Variants in APTX observed in about 807,000 individuals in gnomAD.
APTX encodes forkhead-associated domain histidine triad-like protein.
APTX carries 33 observed loss-of-function variants against 42.3 expected under a neutral mutation model. The ratio of observed to expected loss-of-function variants is 0.78; its 90% CI spans 0.59 to 1.04. The LOEUF (loss-of-function observed/expected upper bound fraction) is 1.04. Among genes scored for constraint, APTX ranks in the 50% least tolerant of loss-of-function variants. The probability of loss-of-function intolerance (pLI) is 0.00; values close to 1 mark genes in which losing one functional copy is unlikely to be tolerated. For missense variants in APTX, 421 were observed against 415.1 expected (o/e 1.01, Z -0.12); for synonymous variants, 130 against 146.7 (o/e 0.89, Z 0.82).
intron 5 of APTX, among the ~76,000 whole-genome samples, chr9:32,985,231 T>C (rs1404740801): frequency 1.3e-5 from 2 of 152,048 alleles, no homozygotes; most frequent in Non-Finnish European, 2.9e-5. Context: ...GTGTGACACG[T>C]ACACGTGGGT....
intron 4 of APTX, among the ~76,000 whole-genome samples, chr9:32,986,354 C>A (rs968832562): frequency 6.6e-6 from 1 of 152,150 alleles, no homozygotes; most frequent in South Asian, 2.1e-4. Flanking sequence ...CACCACCACG[C>A]CCAGCTAACT....
intron 2 of APTX, among the ~76,000 whole-genome samples, chr9:32,988,620 G>A (rs1224947867): frequency 1.4e-5 from 2 of 139,944 alleles, no homozygotes; most frequent in Middle Eastern, 3.8e-3. Context: ...GGTGGAGGTT[G>A]CAGTGAGTCA....
rs1832332130 is a variant in APTX, at chr9:32,986,944, G to A, written c.483+600C>T. 2.6e-5 allele frequency among the ~76,000 whole-genome samples: 4 copies of A among 152,084 alleles called. No homozygotes were observed. In the South Asian group the frequency reaches 8.3e-4, roughly 32 times the overall value. ...CCGCCTCAGCCTCCCGAGTAGCTGG[G>A]ATTACAAGCATGTGTGTACCACCAG... On this transcript the variant is annotated intron_variant, in intron 4 of 7. Transcript: ENST00000379817.
intron 1 of APTX, among the ~76,000 whole-genome samples, chr9:33,020,818 C>T (rs547202871): frequency 1.3e-3 from 202 of 152,350 alleles, no homozygotes; most frequent in African/African-American, 4.6e-3. Flanking sequence ...CCTCTATGAA[C>T]ACTTACGGCC....
rs375722171 is a variant in APTX, at chr9:33,001,615, C to A, written c.-53G>T. The A allele has an allele frequency of 8.1e-5, 131 of 1,613,742 alleles. No homozygotes were observed. Among genetic ancestry groups the A allele is most frequent in the Non-Finnish European group, 1.1e-4 (125 of 1,179,988 alleles). ...ATTCACGTTACTCATCTGTGCCTCA[C>A]CGCTTCCGGCGCTGCGGGATGACGT... On this transcript the variant is annotated 5_prime_UTR_variant, in exon 1 of 8. Coordinates refer to ENST00000379817, the MANE Select transcript of APTX (RefSeq NM_001195248.2).
At chr9:33,001,767 C>T (rs1456270740), upstream of APTX, 3 of 861,468 alleles carry the variant, frequency 3.5e-6, no homozygotes, top group Non-Finnish European at 5.5e-6. Flanking sequence ...GGGCCGTGGT[C>T]CAACTGAGGA....
chr9:32,985,916 T>G, intron 5 of APTX, 55 bp downstream of exon 5: 1 of 1,410,938 alleles, frequency 7.1e-7, no homozygotes, highest in Non-Finnish European at 1.0e-6. Context: ...AAGACCTCTG[T>G]GGAGTGGTCA....
chr9:33,010,609 C>G (rs184407512), intron 1 of APTX, among the ~76,000 whole-genome samples: 1 of 151,856 alleles, frequency 6.6e-6, no homozygotes, highest in African/African-American at 2.4e-5. Context: ...ACCCCAGCTA[C>G]TCAGGAGGCT....
chr9:32,989,775 T>C lies in APTX; in HGVS notation c.117A>G (p.Lys39=). Residue 39 remains lysine, a synonymous_variant, in exon 2 of 8, where the codon AAA becomes AAG. Coordinates refer to ENST00000379817, the MANE Select transcript of APTX (RefSeq NM_001195248.2). ...ACCAGTTACCTTGCTGTCGAGAACA[T>C]TTCTTATCAGTGATCTTGGTCTCTG... ...RGPETKITDK[K]CSRQQVQLKA... The C allele has an allele frequency of 6.2e-7, 1 of 1,614,260 alleles. No individual in the cohort carries two copies. The highest frequency in any genetic ancestry group is 1.1e-5 in the South Asian group (1 of 91,086).
chr9:33,003,109 C>T (rs1305373752), upstream of APTX, among the ~76,000 whole-genome samples: 1 of 152,210 alleles, frequency 6.6e-6, no homozygotes, highest in African/African-American at 2.4e-5. Flanking sequence ...AATTAAGCAT[C>T]CCTCTCGGTT....
chr9:32,986,062 AAAAAAAAACAAGC>A, intron 4 of APTX, 32 bp from the exon 5 acceptor site: 3 of 1,456,554 alleles, frequency 2.1e-6, no homozygotes, highest in South Asian at 1.2e-5. Flanking sequence ...AAACAAAAAA[AAAAAAAAACAAGC>A]AATGTAAATT....
At chr9:33,015,458 A>C (rs1315761941) in intron 1 of APTX, among the ~76,000 whole-genome samples, 1 of 152,154 alleles carries the variant, frequency 6.6e-6, no homozygotes, top group African/African-American at 2.4e-5. Context: ...TCCCGGGTTC[A>C]AGTGATTCTC....
chr9:32,979,408 A>G (rs560775854), intron 6 of APTX, among the ~76,000 whole-genome samples: 6 of 152,178 alleles, frequency 3.9e-5, no homozygotes, highest in Non-Finnish European at 8.8e-5. Context: ...TCCATGGTGT[A>G]TATGTACCAC....
intron 1 of APTX, among the ~76,000 whole-genome samples, chr9:33,007,477 T>C (rs77526358): frequency 0.04 from 6,102 of 152,228 alleles, 184 homozygotes; most frequent in East Asian, 0.12. Context: ...GCAAAGGACG[T>C]TGGCAGCCTG....
At chr9:33,023,030 T>C (rs1838516790) in intron 1 of APTX, among the ~76,000 whole-genome samples, 1 of 152,126 alleles carries the variant, frequency 6.6e-6, no homozygotes, top group African/African-American at 2.4e-5. Flanking sequence ...GGTCTTATTA[T>C]GTTGCTCAGG....
chr9:32,973,711 C>CAAAAAAA, intron 7 of APTX, 59 bp from the exon 8 acceptor site: 1 of 1,331,630 alleles, frequency 7.5e-7, no homozygotes, highest in African/African-American at 1.6e-5. Context: ...TATGAGATAC[C>CAAAAAAA]AAAAAAAAAA....
chr9:32,978,870 G>A (rs918536225), intron 6 of APTX, among the ~76,000 whole-genome samples: 4 of 152,082 alleles, frequency 2.6e-5, no homozygotes, highest in African/African-American at 7.2e-5. Flanking sequence ...ACAGTGGTTC[G>A]CAAACCCTAA....
Position 32,990,949 on chromosome 9 carries a change from G to A in APTX, c.-4-1054C>T, listed in dbSNP as rs150285614. On this transcript the variant is annotated intron_variant, in intron 1 of 7. Coordinates refer to ENST00000379817, the MANE Select transcript of APTX (RefSeq NM_001195248.2). ...CTTTACTTTTTTTTTTTTCTGAGAC[G>A]GAGCTTCACTCTTGTTGCCCAGGCT... 1.1e-3 allele frequency among the ~76,000 whole-genome samples: 165 copies of A among 151,336 alleles called. 3 individuals are homozygous for A. Among genetic ancestry groups the A allele is most frequent in the African/African-American group, 3.8e-3 (155 of 41,226 alleles).
rs368503897 is a variant in APTX, at chr9:32,987,492, T to C, written c.483+52A>G. The C allele has an allele frequency of 3.1e-6, 5 of 1,604,134 alleles. No individual in the cohort carries two copies. The East Asian group carries it at 6.7e-5, about 21-fold the overall frequency. ...TAAAGTGTACAAAACAATTAAGCAG[T>C]CATTATATTTCATTTCTTCTCCACA... On this transcript the variant is annotated intron_variant, in intron 4 of 7. Transcript: ENST00000379817.
Sources: gnomAD v4.1 joint callset for allele counts (sites outside exome capture counted in the v4.1 genomes callset) on GRCh38, gnomAD v4.1.1 for gene constraint, MANE v1.5 for transcripts, NCBI Gene and HGNC (gene_info 2026-07-23, HGNC 2026-07-21) for gene names.